The following DENND5A variants were observed in gnomAD, a reference collection of about 807,000 sequenced individuals.
DENND5A encodes the protein DENN domain-containing protein 5A.
Under a neutral mutation model 140.3 loss-of-function variants are expected in DENND5A, and 64 were observed. That is an observed-to-expected ratio of 0.46 (90% CI 0.37 to 0.56). The LOEUF (loss-of-function observed/expected upper bound fraction) is 0.56. Ranked by LOEUF, DENND5A falls within the 20% of genes least tolerant of loss-of-function variation. DENND5A has a pLI of 0.00. For synonymous variants in DENND5A, 605 were observed against 607.7 expected (o/e 1.00, Z 0.07); for missense variants, 1,292 against 1,593.8 (o/e 0.81, Z 3.22).
rs771673860 is a variant in DENND5A at position 9,204,261 on chromosome 11, T to C, written c.348A>G (p.Gln116=). 2.5e-5 allele frequency: 41 copies of C among 1,613,962 alleles called. No homozygotes were observed. In the East Asian group the frequency reaches 2.7e-4, roughly 11 times the overall value. ...CCCTTGTGATAATAAAGGCATGGAATTGGGGCTCCCTGGGATCAGCCTGGG... is the reference window on the plus strand; with the variant it reads ...CCCTTGTGATAATAAAGGCATGGAACTGGGGCTCCCTGGGATCAGCCTGGG... ...FKTQADPREP[Q]FHAFIITRED... Residue 116 remains glutamine (Q), a synonymous_variant, in exon 4 of 23, where the codon CAA becomes CAG. Coordinates refer to ENST00000328194, the MANE Select transcript of DENND5A (RefSeq NM_015213.4).
At chr11:9,153,988 G>C (rs12420175) in intron 12 of DENND5A, among the ~76,000 whole-genome samples, 2 of 152,158 alleles carry the variant, frequency 1.3e-5, no homozygotes, top group African/African-American at 4.8e-5. Flanking sequence ...CTTGTTAAGT[G>C]ATAACTTTAT....
intron 5 of DENND5A, among the ~76,000 whole-genome samples, chr11:9,190,764 T>C (rs1849095151): frequency 6.6e-6 from 1 of 152,192 alleles, no homozygotes; most frequent in Admixed American, 6.5e-5. Context: ...CTCTGGGTGG[T>C]AAAATTTGAG....
intron 1 of DENND5A, among the ~76,000 whole-genome samples, chr11:9,228,056 T>A (rs1850604814): frequency 7.9e-6 from 1 of 126,594 alleles, no homozygotes; most frequent in Non-Finnish European, 1.5e-5. Context: ...GAGGTTGCAG[T>A]GAGGGGAGAT....
intron 1 of DENND5A, among the ~76,000 whole-genome samples, chr11:9,229,178 C>A (rs1850658211): frequency 6.6e-6 from 1 of 152,000 alleles, no homozygotes; most frequent in African/African-American, 2.4e-5. Context: ...TGCAGGACAC[C>A]CAGCTGGTAA....
intron 1 of DENND5A, among the ~76,000 whole-genome samples, chr11:9,229,907 T>TC (rs1399324545): frequency 2.2e-5 from 3 of 133,890 alleles, no homozygotes; most frequent in Non-Finnish European, 3.2e-5. Context: ...TTCTTTTTTT[T>TC]TTTTTTTTTT....
chr11:9,231,553 T>C (rs933601009), intron 1 of DENND5A, among the ~76,000 whole-genome samples: 3 of 151,904 alleles, frequency 2.0e-5, no homozygotes, highest in Non-Finnish European at 2.9e-5. Flanking sequence ...CCATCTCTAC[T>C]AAAAATACAA....
chr11:9,145,054 A>G lies in DENND5A; in HGVS notation c.3063T>C (p.Tyr1021=), dbSNP rs1368992994. ...VQIGHDNSGL[Y]AKWLVEYVMV... is the part of the protein sequence containing the mutation. The stretch of plus-strand genomic sequence containing the variant: ...TCACATACTCCACCAGCCATTTGGC[A>G]TACAGCCCAGAGTTATCATGGCCAA... The change falls in exon 18 of 23, where the codon TAT becomes TAC. Residue 1021 remains tyrosine (Y), a synonymous_variant. Coordinates refer to ENST00000328194, the MANE Select transcript of DENND5A (RefSeq NM_015213.4). 6.2e-7 allele frequency: 1 copy of G among 1,614,172 alleles called. No homozygotes were observed. Among genetic ancestry groups the G allele is most frequent in the South Asian group, 1.1e-5 (1 of 91,086 alleles).
At chr11:9,163,464 T>C (rs1848060822) in intron 11 of DENND5A, among the ~76,000 whole-genome samples, 1 of 152,130 alleles carries the variant, frequency 6.6e-6, no homozygotes, top group Non-Finnish European at 1.5e-5. Flanking sequence ...TGGCTAGGAA[T>C]AGGAAGTTGT....
chr11:9,150,215 G>C lies in DENND5A; in HGVS notation c.2607-6C>G. 1 of 1,613,184 alleles carries C rather than the reference G, an allele frequency of 6.2e-7. No individual in the cohort carries two copies. On this transcript the variant is annotated splice_region_variant and splice_polypyrimidine_tract_variant and intron_variant, in intron 14 of 22. Transcript: ENST00000328194. ...CCCCGATGTTCTGGATGTGCCTGGA[G>C]GAAGAATGTAAAAAGGAAGTGGAGG...
intron 1 of DENND5A, among the ~76,000 whole-genome samples, chr11:9,255,981 G>T (rs963528128): frequency 6.7e-6 from 1 of 149,914 alleles, no homozygotes; most frequent in Admixed American, 6.7e-5. Flanking sequence ...AGCCAAGATC[G>T]CGCCATTGCA....
chr11:9,201,425 C>T (rs988093710), intron 4 of DENND5A, among the ~76,000 whole-genome samples: 14 of 151,054 alleles, frequency 9.3e-5, no homozygotes, highest in Admixed American at 5.3e-4. Flanking sequence ...GCCTGTAATC[C>T]CAGCACTTTG....
intron 1 of DENND5A, among the ~76,000 whole-genome samples, chr11:9,215,303 T>C (rs532563611): frequency 2.0e-5 from 3 of 152,342 alleles, no homozygotes; most frequent in Admixed American, 2.0e-4. Flanking sequence ...GAACTTCTTA[T>C]GTGACCAGTT....
At chr11:9,162,358 G>A (rs1848016654) in intron 11 of DENND5A, among the ~76,000 whole-genome samples, 1 of 148,648 alleles carries the variant, frequency 6.7e-6, no homozygotes. Context: ...TCCAGCCTCA[G>A]CCTCCCGAGT....
At chr11:9,170,985 T>C (rs1848355199) in intron 8 of DENND5A, 5 of 814,596 alleles carry the variant, frequency 6.1e-6, no homozygotes, top group East Asian at 2.9e-5. Flanking sequence ...CATCAGGCAA[T>C]GAAGGGCAGG....
chr11:9,263,509 C>G (rs767205674), intron 1 of DENND5A, among the ~76,000 whole-genome samples: 36 of 149,132 alleles, frequency 2.4e-4, no homozygotes, highest in African/African-American at 8.3e-4. Flanking sequence ...CCTGAGCCGC[C>G]GGGTGGTGGG....
chr11:9,174,988 G>T (rs1035371879), intron 8 of DENND5A, among the ~76,000 whole-genome samples: 2 of 151,736 alleles, frequency 1.3e-5, no homozygotes, highest in African/African-American at 4.8e-5. Context: ...AGAAGAAAAA[G>T]AAAAGGAAAA....
At chr11:9,185,685 T>C (rs1034523132) in intron 5 of DENND5A, among the ~76,000 whole-genome samples, 1 of 152,164 alleles carries the variant, frequency 6.6e-6, no homozygotes, top group East Asian at 1.9e-4. Context: ...TATGTGTCTG[T>C]GTGTGCTTGT....
intron 1 of DENND5A, among the ~76,000 whole-genome samples, chr11:9,263,120 C>T (rs1295090209): frequency 1.3e-5 from 2 of 152,074 alleles, no homozygotes; most frequent in Non-Finnish European, 2.9e-5. Flanking sequence ...TATATTACTG[C>T]TTCATATTTT....
chr11:9,160,827 A>G lies in DENND5A; in HGVS notation c.2322T>C (p.Ala774=), dbSNP rs758154698. Residue 774 remains alanine, a synonymous_variant, in exon 12 of 23, where the codon GCT becomes GCC. Transcript: ENST00000328194. The part of the protein sequence containing the change: ...RMLVEKMGRE[A]VELGHGEVNI... The stretch of plus-strand genomic sequence containing the variant: ...TCACCTCCCCATGCCCTAGCTCCAC[A>G]GCTTCTCGGCCCATCTTTTCCACCA... 3.7e-6 allele frequency: 6 copies of G among 1,613,980 alleles called. No homozygotes were observed. In the African/African-American group the frequency reaches 4.0e-5, roughly 11 times the overall value.
Sources: gnomAD v4.1 joint callset for allele counts (sites outside exome capture counted in the v4.1 genomes callset) on GRCh38, gnomAD v4.1.1 for gene constraint, MANE v1.5 for transcripts, NCBI Gene and HGNC (gene_info 2026-07-23, HGNC 2026-07-21) for gene names.